ZGLP1: variants seen among roughly 807,000 people sequenced by gnomAD.
ZGLP1 encodes GATA-type zinc finger protein 1.
Under a neutral mutation model 21.4 loss-of-function variants are expected in ZGLP1, and 11 were observed. The ratio of observed to expected loss-of-function variants is 0.51; its 90% confidence interval spans 0.32 to 0.85. The LOEUF (loss-of-function observed/expected upper bound fraction) is 0.85. ZGLP1 is among the 40% of genes least tolerant of loss of function. The pLI is 0.03. For missense variants in ZGLP1, 295 were observed against 355.6 expected (o/e 0.83, Z 1.37); for synonymous variants, 148 against 145.0 (o/e 1.02, Z -0.15).
chr19:10,306,149 G>C (rs187204692), intron 1 of ZGLP1, among the ~76,000 whole-genome samples, 197 bp from the exon 3 acceptor site: 14 of 151,772 alleles, frequency 9.2e-5, no homozygotes, highest in Admixed American at 5.9e-4. Context: ...GTCTCGCTCT[G>C]TTGCCCAGGC....
exon 1 of ZGLP1, chr19:10,308,734 C>T: frequency 7.0e-7 from 1 of 1,423,462 alleles, no homozygotes; most frequent in Non-Finnish European, 9.2e-7. Context: ...ACTCACCTCG[C>T]CCACTGTGGG....
At chr19:10,308,789 G>T in exon 1 of ZGLP1, 1 of 1,125,026 alleles carries the variant, frequency 8.9e-7, no homozygotes, top group Non-Finnish European at 1.2e-6. Context: ...ACCCCTTACG[G>T]CACCCGTAGA....
rs760148922 is a variant in ZGLP1 at position 10,305,357 on chromosome 19, C to A, written c.698+33G>T. ...GTTACACGTGGACTGATTTGGGGACCCCCGCCCCAACTCCCTCCTCCATTC... is the reference window on the plus strand; with the variant it reads ...GTTACACGTGGACTGATTTGGGGACACCCGCCCCAACTCCCTCCTCCATTC... On this transcript the variant is annotated intron_variant, in intron 3 of 3. Transcript: ENST00000403903. This position sits in a 1 kb window ranked among gnomAD's most constrained non-coding sequence, Gnocchi z 4.7. 1.3e-6 allele frequency: 2 copies of A among 1,561,566 alleles called. No individual in the cohort carries two copies. Among genetic ancestry groups the A allele is most frequent in the East Asian group, 2.4e-5 (1 of 42,422 alleles).
At chr19:10,309,084 T>C (rs1371103758) in exon 1 of ZGLP1, 1 of 156,972 alleles carries the variant, frequency 6.4e-6, no homozygotes, top group African/African-American at 2.4e-5. Flanking sequence ...ATCATTTTCA[T>C]TATTATTGAG....
rs755775250 is a variant in ZGLP1 at position 10,305,124 on chromosome 19, A to G, written c.783T>C (p.Cys261=). ...CCTGAATGGGGTCCAGGGACACTCC[A>G]CATCTGCCACATAGCCTCTTGGGCT... The change falls in exon 4 of 4, where the codon TGT becomes TGC. Residue 261 remains cysteine, a synonymous_variant. Transcript: ENST00000403903. The surrounding 1 kb of genome is among the most constrained non-coding windows in gnomAD (Gnocchi z 4.7). The G allele has an allele frequency of 6.2e-7, 1 of 1,613,932 alleles. No homozygotes were observed.
Position 10,305,581 on chromosome 19 carries a change from G to A in ZGLP1, c.605-98C>T. 4 of 1,056,138 alleles carry A rather than the reference G, an allele frequency of 3.8e-6. No individual in the cohort carries two copies. Among genetic ancestry groups the A allele is most frequent in the South Asian group, 1.4e-5 (1 of 72,192 alleles). 65.4% of individuals were successfully genotyped at this position (1,056,138 alleles called of 1,614,324 possible). A position where few individuals can be genotyped will look rare whatever the true frequency, so the allele number is the denominator to read the frequency against. Reference sequence around the variant, plus strand: ...GGCATTTTGTGGGGGTCTCAGTAAAGGCCCCACCTAGCTCTGGATCAGCCC... The same window carrying A: ...GGCATTTTGTGGGGGTCTCAGTAAAAGCCCCACCTAGCTCTGGATCAGCCC... On this transcript the variant is annotated intron_variant, in intron 2 of 3. Transcript: ENST00000403903. This position sits in a 1 kb window ranked among gnomAD's most constrained non-coding sequence, Gnocchi z 4.7.
At chr19:10,306,581 T>C (rs1662289218) in intron 1 of ZGLP1, among the ~76,000 whole-genome samples, 2 of 152,070 alleles carry the variant, frequency 1.3e-5, no homozygotes, top group South Asian at 4.1e-4. Context: ...AGTTTTTTTT[T>C]CTTTGAAAAT....
At chr19:10,308,191 G>T in exon 1 of ZGLP1, 1 of 1,534,328 alleles carries the variant, frequency 6.5e-7, no homozygotes, top group Non-Finnish European at 8.8e-7. Context: ...CTACCTGTAC[G>T]TGGGGATGAT....
chr19:10,305,867 A>G lies in ZGLP1; in HGVS notation c.583T>C (p.Ser195Pro), dbSNP rs1291469469. ...TCACCCAGGGCCTCGCTGCCTGCTG[A>G]GTGGGCCTCGGTGCCTCCTGGGTGG... The change falls in exon 2 of 4, where the codon TCA (serine) becomes CCA (proline). Residue 195 changes from serine to proline, a missense_variant. Coordinates refer to ENST00000403903, the Ensembl canonical transcript of ZGLP1. This position sits in a 1 kb window ranked among gnomAD's most constrained non-coding sequence, Gnocchi z 4.7. 2 of 1,558,044 alleles carry G rather than the reference A, an allele frequency of 1.3e-6. No individual in the cohort carries two copies. Among genetic ancestry groups the G allele is most frequent in the Non-Finnish European group, 1.7e-6 (2 of 1,149,928 alleles).
rs781384843 is a variant in ZGLP1, at chr19:10,305,248, T to G, written c.699-40A>C. ...CAAGAAACTGCCATTTAGGATGCAG[T>G]GGGGGCCCGGAAACCGCCACAAGGA... is the stretch of plus-strand genomic sequence containing the variant. On this transcript the variant is annotated intron_variant, in intron 3 of 3. Coordinates refer to ENST00000403903, the Ensembl canonical transcript of ZGLP1. The surrounding 1 kb of genome is among the most constrained non-coding windows in gnomAD (Gnocchi z 4.7). 5.7e-6 allele frequency: 9 copies of G among 1,591,452 alleles called. No homozygotes were observed. The highest frequency in any genetic ancestry group is 6.9e-6 in the Non-Finnish European group (8 of 1,160,792).
At chr19:10,307,106 C>T (rs1376280953) in intron 1 of ZGLP1, among the ~76,000 whole-genome samples, 2 of 151,122 alleles carry the variant, frequency 1.3e-5, no homozygotes, top group Admixed American at 6.6e-5. Flanking sequence ...TGCACTCCAG[C>T]CTGAACGACA....
exon 1 of ZGLP1, chr19:10,308,334 C>A: frequency 6.2e-7 from 1 of 1,609,968 alleles, no homozygotes; most frequent in Non-Finnish European, 8.5e-7. Flanking sequence ...AGGGAGTCCC[C>A]GGGGGCTGCA....
At chr19:10,307,148 AT>A (rs1332426134) in intron 1 of ZGLP1, among the ~76,000 whole-genome samples, 6 of 151,462 alleles carry the variant, frequency 4.0e-5, no homozygotes, top group East Asian at 1.9e-4. Flanking sequence ...AAAAAAAAAA[AT>A]ATTGTTTTGG....
In ZGLP1 at chr19:10,305,716, G is replaced by C. The variant is rs1779848295; in HGVS notation, c.604+130C>G. 3 of 798,880 alleles carry C rather than the reference G, an allele frequency of 3.8e-6. No homozygotes were observed. The highest frequency in any genetic ancestry group is 1.5e-5 in the South Asian group (1 of 65,826). 49.5% of individuals were successfully genotyped at this position (798,880 alleles called of 1,614,324 possible). On this transcript the variant is annotated intron_variant, in intron 2 of 3. Coordinates refer to ENST00000403903, the Ensembl canonical transcript of ZGLP1. This position sits in a 1 kb window ranked among gnomAD's most constrained non-coding sequence, Gnocchi z 4.7. Reference sequence around the variant, plus strand: ...GGTGACTCAGCCCAAGTGGAGGGGGGTGCTGCGACTCCTCCCTGAGGGCTC... The same window carrying C: ...GGTGACTCAGCCCAAGTGGAGGGGGCTGCTGCGACTCCTCCCTGAGGGCTC...
At chr19:10,307,106 C>A (rs1376280953) in intron 1 of ZGLP1, among the ~76,000 whole-genome samples, 1 of 151,122 alleles carries the variant, frequency 6.6e-6, no homozygotes, top group Non-Finnish European at 1.5e-5. Flanking sequence ...TGCACTCCAG[C>A]CTGAACGACA....
chr19:10,308,394 G>A, exon 1 of ZGLP1: 1 of 1,608,744 alleles, frequency 6.2e-7, no homozygotes, highest in South Asian at 1.1e-5. Context: ...TGGAATCCCT[G>A]TCCAGCAGCA....
At chr19:10,307,846 T>C (rs2145043026) in intron 1 of ZGLP1, among the ~76,000 whole-genome samples, 1 of 152,340 alleles carries the variant, frequency 6.6e-6, no homozygotes, top group Non-Finnish European at 1.5e-5. Flanking sequence ...CCCATACACA[T>C]AAAATACTGC....
exon 4 of ZGLP1, chr19:10,304,807 G>A (rs147585014): frequency 1.1e-3 from 444 of 403,014 alleles, no homozygotes; most frequent in Non-Finnish European, 9.8e-4. Flanking sequence ...TTTTTCTCTC[G>A]GCATATCTCT....
chr19:10,306,260 G>A (rs1453362501), intron 1 of ZGLP1, among the ~76,000 whole-genome samples: 4 of 151,718 alleles, frequency 2.6e-5, no homozygotes, highest in African/African-American at 4.8e-5. Flanking sequence ...CTACAGGCGC[G>A]CGACACCACG....
Sources: allele counts gnomAD v4.1 joint callset (sites outside exome capture counted in the v4.1 genomes callset), GRCh38; gene constraint gnomAD v4.1.1; non-coding constraint Gnocchi (gnomAD v3.1); transcripts MANE v1.5; gene names NCBI Gene and HGNC (gene_info 2026-07-23, HGNC 2026-07-21).